Variants in GRID2 observed in about 807,000 individuals in gnomAD.
GRID2 encodes the protein glutamate receptor ionotropic, delta-2.
In GRID2, 33 loss-of-function variants were observed where a neutral mutation model predicts 114.8. The ratio of observed to expected loss-of-function variants is 0.29; its 90% confidence interval spans 0.22 to 0.38. The LOEUF (loss-of-function observed/expected upper bound fraction) is 0.38. Among genes scored for constraint, GRID2 ranks in the 10% least tolerant of loss-of-function variants. The pLI is 1.00. For missense variants in GRID2, 1,184 were observed against 1,257.7 expected (o/e 0.94, Z 0.89); for synonymous variants, 505 against 449.9 (o/e 1.12, Z -1.55).
intron 8 of GRID2, among the ~76,000 whole-genome samples, chr4:93,319,275 G>T (rs73840812): frequency 6.6e-6 from 1 of 152,058 alleles, no homozygotes; most frequent in East Asian, 1.9e-4. Context: ...TCATAAATTA[G>T]TGACTCAGTA....
At chr4:93,740,566 A>C (rs1424276757) in intron 14 of GRID2, among the ~76,000 whole-genome samples, 1 of 152,226 alleles carries the variant, frequency 6.6e-6, no homozygotes, top group Non-Finnish European at 1.5e-5. Context: ...AGGCTGCTGG[A>C]GTTGCTGTAG....
chr4:92,468,538 A>G (rs945904240), intron 1 of GRID2, among the ~76,000 whole-genome samples: 1 of 152,098 alleles, frequency 6.6e-6, no homozygotes, highest in Non-Finnish European at 1.5e-5. Context: ...TTAATTAAAC[A>G]CTTATTTAAA....
At chr4:93,190,051 T>C (rs939619877) in intron 4 of GRID2, among the ~76,000 whole-genome samples, 1 of 152,150 alleles carries the variant, frequency 6.6e-6, no homozygotes, top group East Asian at 1.9e-4. Flanking sequence ...TGACTTTGCA[T>C]TTATTTTTTA....
chr4:93,512,174 T>G (rs1729258853), intron 12 of GRID2, among the ~76,000 whole-genome samples: 1 of 152,196 alleles, frequency 6.6e-6, no homozygotes, highest in South Asian at 2.1e-4. Context: ...AATGTATATA[T>G]TAGATGCCTA....
Position 93,128,033 on chromosome 4 carries a change from A to C in GRID2, c.735+17080A>C, listed in dbSNP as rs1370906345. On this transcript the variant is annotated intron_variant, in intron 4 of 15. Coordinates refer to ENST00000282020, the MANE Select transcript of GRID2 (RefSeq NM_001510.4). ...AAGACCTTGTCCCCCGCAACAAAAA[A>C]AAAAAAAAAAAAAAAAAAAAAAAAA... Among the ~76,000 whole-genome samples the C allele has an allele frequency of 1.1e-3, 145 of 135,084 alleles. 1 individual carries two copies. Among genetic ancestry groups the C allele is most frequent in the African/African-American group, 4.1e-3 (139 of 33,820 alleles). 88.6% of individuals were successfully genotyped at this position (135,084 alleles called of 152,430 possible). A position where few individuals can be genotyped will look rare whatever the true frequency, so the allele number is the denominator to read the frequency against.
At position 93,084,992 on chromosome 4, in the gene GRID2, C is replaced by T; in HGVS notation, c.245-3C>T. The T allele has an allele frequency of 3.7e-6, 6 of 1,611,736 alleles. No individual in the cohort carries two copies. Among genetic ancestry groups the T allele is most frequent in the Non-Finnish European group, 5.1e-6 (6 of 1,178,024 alleles). ...TTTTGAATATTACTGTGCTTTCTTG[C>T]AGCCTGTGAACTTATGAATCAAGGC... On this transcript the variant is annotated splice_polypyrimidine_tract_variant and splice_region_variant and intron_variant, in intron 2 of 15. Transcript: ENST00000282020.
At chr4:92,719,981 T>C (rs928279247) in intron 2 of GRID2, among the ~76,000 whole-genome samples, 3 of 152,152 alleles carry the variant, frequency 2.0e-5, no homozygotes, top group African/African-American at 7.2e-5. Context: ...AGAATAATTT[T>C]CTTAGCTATA....
At chr4:92,418,993 G>C (rs959863101) in intron 1 of GRID2, among the ~76,000 whole-genome samples, 1 of 151,820 alleles carries the variant, frequency 6.6e-6, no homozygotes, top group Non-Finnish European at 1.5e-5. Context: ...CCTTTCTCTC[G>C]TCTCTTTCTT....
At chr4:93,714,869 A>G (rs1728776746) in intron 14 of GRID2, among the ~76,000 whole-genome samples, 1 of 152,088 alleles carries the variant, frequency 6.6e-6, no homozygotes, top group Non-Finnish European at 1.5e-5. Context: ...ATTTTCTCCC[A>G]TTCTCTAGAT....
intron 2 of GRID2, among the ~76,000 whole-genome samples, chr4:92,603,441 T>C (rs554445779): frequency 6.6e-6 from 1 of 152,096 alleles, no homozygotes; most frequent in African/African-American, 2.4e-5. Context: ...AAATAAGCAA[T>C]GGGGAAAGGA....
chr4:92,978,330 C>G (rs531214010), intron 2 of GRID2, among the ~76,000 whole-genome samples: 10 of 152,150 alleles, frequency 6.6e-5, no homozygotes, highest in South Asian at 6.2e-4. Flanking sequence ...TGATTTCTAA[C>G]TCTCATTCCT....
At chr4:92,334,107 C>T (rs1004084984) in intron 1 of GRID2, among the ~76,000 whole-genome samples, 2 of 152,174 alleles carry the variant, frequency 1.3e-5, no homozygotes, top group African/African-American at 2.4e-5. Context: ...AATTCCTCCA[C>T]ATTCTTTGCT....
At chr4:92,373,468 T>G (rs958977125) in intron 1 of GRID2, among the ~76,000 whole-genome samples, 1 of 152,220 alleles carries the variant, frequency 6.6e-6, no homozygotes, top group Admixed American at 6.5e-5. Flanking sequence ...TGGCTGATAG[T>G]GCCAGGCCAG....
At chr4:93,488,949 A>G (rs1726694272) in intron 11 of GRID2, among the ~76,000 whole-genome samples, 1 of 151,996 alleles carries the variant, frequency 6.6e-6, no homozygotes, top group Admixed American at 6.6e-5. Flanking sequence ...CCAAATAACA[A>G]TCACATTGTG....
intron 8 of GRID2, among the ~76,000 whole-genome samples, chr4:93,330,606 G>A (rs759449468): frequency 6.6e-6 from 1 of 151,926 alleles, no homozygotes; most frequent in Non-Finnish European, 1.5e-5. Context: ...AAAACCAAGA[G>A]TCCTACCTCA....
At chr4:93,678,388 C>A (rs1289266104) in intron 14 of GRID2, among the ~76,000 whole-genome samples, 3 of 152,152 alleles carry the variant, frequency 2.0e-5, no homozygotes, top group African/African-American at 7.2e-5. Flanking sequence ...CCCAATCTAG[C>A]AAGGCAGGCC....
intron 14 of GRID2, among the ~76,000 whole-genome samples, chr4:93,739,753 C>T (rs537013151): frequency 1.3e-4 from 20 of 152,236 alleles, no homozygotes; most frequent in African/African-American, 4.8e-4. Context: ...ATTCCAAGAG[C>T]TTAACAAATA....
intron 2 of GRID2, among the ~76,000 whole-genome samples, chr4:93,064,106 TATAAC>T (rs779669317): frequency 6.4e-5 from 9 of 140,530 alleles, no homozygotes; most frequent in Non-Finnish European, 1.4e-4. Context: ...CAGTAAAACT[TATAAC>T]ATTAATTTAT....
At position 92,723,844 on chromosome 4, in the gene GRID2, G is replaced by A. The variant is rs73837329; in HGVS notation, c.244+133558G>A. ...ATGCCTCTCACATTACAACAAAGTC[G>A]GCTACTTCTCTTCCTATTACCTCTT... On this transcript the variant is annotated intron_variant, in intron 2 of 15. Coordinates refer to ENST00000282020, the MANE Select transcript of GRID2 (RefSeq NM_001510.4). Among the ~76,000 whole-genome samples the A allele has an allele frequency of 5.3e-3, 810 of 152,054 alleles. 5 individuals are homozygous for A. The highest frequency in any genetic ancestry group is 0.018 in the African/African-American group (760 of 41,496).
Sources: gnomAD v4.1 joint callset for allele counts (sites outside exome capture counted in the v4.1 genomes callset) on GRCh38, gnomAD v4.1.1 for gene constraint, MANE v1.5 for transcripts, NCBI Gene and HGNC (gene_info 2026-07-23, HGNC 2026-07-21) for gene names.